CNOT2: variants seen among roughly 807,000 people sequenced by gnomAD.
CNOT2 encodes CC chemokine receptor 4-negative regulator of transcription 2.
Under a neutral mutation model 72.1 loss-of-function variants are expected in CNOT2, and 7 were observed. The ratio of observed to expected loss-of-function variants is 0.10; its 90% CI spans 0.06 to 0.18. The LOEUF is 0.18. Ranked by LOEUF, CNOT2 falls within the 10% of genes least tolerant of loss-of-function variation. The pLI is 1.00. For missense variants in CNOT2, 345 were observed against 660.3 expected, an observed-to-expected ratio of 0.52 and a Z score of 5.23; for synonymous variants, 196 against 225.6, an observed-to-expected ratio of 0.87 and a Z score of 1.17.
rs34175539 is a variant in CNOT2 at position 70,257,354 on chromosome 12, C to CTTTTT, written c.-96+13888_-96+13892dup. On this transcript the variant is annotated intron_variant, in intron 1 of 15. Transcript: ENST00000229195. ...CAGTGAGTCTTTCCCCAACTACCCC[C>CTTTTT]TTTTTTTTTTTTTTTTTTCTTTTTG... Among the ~76,000 whole-genome samples the CTTTTT allele has an allele frequency of 2.7e-3, 343 of 128,536 alleles. 2 individuals carry two copies. The highest frequency in any genetic ancestry group is 4.7e-3 in the Admixed American group (50 of 10,678). 84.3% of individuals were successfully genotyped at this position (128,536 alleles called of 152,430 possible).
Position 70,318,284 on chromosome 12 carries a change from T to C in CNOT2, c.172-1014T>C, listed in dbSNP as rs979083866. ...CTTCTATGCCATAACATGGGTGAGCTTTATCTCCAAATAGAGATGAACTTT... is the reference window on the plus strand; with the variant it reads ...CTTCTATGCCATAACATGGGTGAGCCTTATCTCCAAATAGAGATGAACTTT... On this transcript the variant is annotated intron_variant, in intron 3 of 15. Transcript: ENST00000229195. 2.6e-5 allele frequency among the ~76,000 whole-genome samples: 4 copies of C among 152,010 alleles called. No individual in the cohort carries two copies. In the South Asian group the frequency reaches 8.3e-4, roughly 31 times the overall value.
At chr12:70,271,641 A>G (rs550345781) in intron 1 of CNOT2, among the ~76,000 whole-genome samples, 2 of 152,076 alleles carry the variant, frequency 1.3e-5, no homozygotes, top group East Asian at 3.9e-4. Context: ...CCAAACTGCT[A>G]GGATTACAGG....
At chr12:70,302,367 C>T (rs1476112612) in intron 2 of CNOT2, among the ~76,000 whole-genome samples, 1 of 151,212 alleles carries the variant, frequency 6.6e-6, no homozygotes, top group Admixed American at 6.6e-5. Context: ...CTATAAATTT[C>T]CCTCTACACA....
intron 1 of CNOT2, among the ~76,000 whole-genome samples, chr12:70,268,081 A>G (rs1320006347): frequency 1.3e-5 from 2 of 152,220 alleles, no homozygotes; most frequent in African/African-American, 4.8e-5. Context: ...TTCATTCATA[A>G]AACTCTAAGT....
At chr12:70,272,119 G>T (rs1959315354) in intron 1 of CNOT2, among the ~76,000 whole-genome samples, 1 of 152,156 alleles carries the variant, frequency 6.6e-6, no homozygotes, top group South Asian at 2.1e-4. Flanking sequence ...TAAGGAAAAT[G>T]ATGTTTCCAT....
intron 1 of CNOT2, among the ~76,000 whole-genome samples, chr12:70,271,990 G>A (rs1011714479): frequency 2.0e-5 from 3 of 152,092 alleles, no homozygotes; most frequent in Non-Finnish European, 4.4e-5. Context: ...TATCAAGGGG[G>A]AATAAATGTC....
chr12:70,313,607 G>A (rs1410327093), intron 3 of CNOT2, among the ~76,000 whole-genome samples: 5 of 151,734 alleles, frequency 3.3e-5, no homozygotes, highest in Non-Finnish European at 5.9e-5. Context: ...TTTAAATCAC[G>A]GGTCAGAAAA....
chr12:70,294,899 A>C (rs1262033621), intron 2 of CNOT2, among the ~76,000 whole-genome samples: 1 of 152,184 alleles, frequency 6.6e-6, no homozygotes, highest in Non-Finnish European at 1.5e-5. Context: ...TAATTCAGCA[A>C]ATGTTTGTTG....
chr12:70,330,709 T>C lies in CNOT2; in HGVS notation c.569+240T>C, dbSNP rs1879801866. 1.0e-5 allele frequency: 4 copies of C among 393,646 alleles called. No individual in the cohort carries two copies. In the Admixed American group the frequency reaches 1.7e-4, roughly 17 times the overall value. 24.4% of individuals were successfully genotyped at this position (393,646 alleles called of 1,614,324 possible). Reference sequence around the variant, plus strand: ...TGTGGTTGTTAGAAAAGGATTGTTCTTGGATTCGCCACCAGGCAAATTTTG... The same window carrying C: ...TGTGGTTGTTAGAAAAGGATTGTTCCTGGATTCGCCACCAGGCAAATTTTG... On this transcript the variant is annotated intron_variant, in intron 6 of 15. Transcript: ENST00000229195.
At position 70,310,945 on chromosome 12, in the gene CNOT2, C is replaced by G. The variant is rs532301707; in HGVS notation, c.99C>G (p.Val33=). ...GASRKKFVEG[V]DSDYHDENMY... is the part of the protein sequence containing the mutation. ...CAAGAAAGAAGTTTGTAGAGGGGGT[C>G]GACAGTGACTACCATGACGAAAACA... Residue 33 remains valine (V), a synonymous_variant, in exon 3 of 16, where the codon GTC becomes GTG. Transcript: ENST00000229195. 1.9e-6 allele frequency: 3 copies of G among 1,609,604 alleles called. No individual in the cohort carries two copies. Among genetic ancestry groups the G allele is most frequent in the Middle Eastern group, 1.7e-4 (1 of 6,052 alleles).
intron 14 of CNOT2, chr12:70,345,739 ATAAT>A (rs796141338): frequency 6.6e-6 from 1 of 152,478 alleles, no homozygotes; most frequent in Admixed American, 6.5e-5. Context: ...TGGAATTTAC[ATAAT>A]TAATTCAAAT....
At chr12:70,308,157 C>T (rs548088808) in intron 2 of CNOT2, among the ~76,000 whole-genome samples, 3 of 152,256 alleles carry the variant, frequency 2.0e-5, no homozygotes, top group Admixed American at 6.5e-5. Flanking sequence ...TGGTCAGTTA[C>T]TTCTCTGCTT....
intron 1 of CNOT2, among the ~76,000 whole-genome samples, chr12:70,260,449 T>C (rs368863596): frequency 7.2e-5 from 11 of 152,244 alleles, no homozygotes; most frequent in African/African-American, 2.4e-4. Flanking sequence ...TGTTATTGTA[T>C]AGAAATGCAA....
At chr12:70,285,242 C>T (rs1341532418) in intron 2 of CNOT2, among the ~76,000 whole-genome samples, 1 of 151,038 alleles carries the variant, frequency 6.6e-6, no homozygotes, top group African/African-American at 2.4e-5. Flanking sequence ...CGAACTCTTG[C>T]TCTGTTGCCC....
intron 8 of CNOT2, 100 bp downstream of exon 8, chr12:70,335,663 C>A: frequency 1.2e-6 from 1 of 810,760 alleles, no homozygotes; most frequent in Non-Finnish European, 1.9e-6. Context: ...TGTGTGTACA[C>A]ATGTATGTTT....
At chr12:70,328,845 TATATCA>T (rs1047461997) in intron 4 of CNOT2, among the ~76,000 whole-genome samples, 4 of 151,906 alleles carry the variant, frequency 2.6e-5, no homozygotes, top group African/African-American at 9.7e-5. Context: ...CTTTTATAGC[TATATCA>T]GTTTGAGTTT....
chr12:70,331,969 A>AT (rs780981551), intron 6 of CNOT2, among the ~76,000 whole-genome samples: 434 of 143,762 alleles, frequency 3.0e-3, no homozygotes, highest in Non-Finnish European at 3.7e-3. Flanking sequence ...GTTCTGCCTT[A>AT]TTTTTTTTTT....
At chr12:70,245,137 A>G (rs1957817450) in intron 1 of CNOT2, among the ~76,000 whole-genome samples, 1 of 152,206 alleles carries the variant, frequency 6.6e-6, no homozygotes, top group African/African-American at 2.4e-5. Flanking sequence ...AAGTGTCTAT[A>G]TTCACATCCC....
intron 2 of CNOT2, among the ~76,000 whole-genome samples, chr12:70,304,953 G>C (rs1356647111): frequency 5.9e-5 from 9 of 152,204 alleles, no homozygotes; most frequent in African/African-American, 2.2e-4. Context: ...CGGGCTCCGT[G>C]GGCGTAGGAC....
Sources: gnomAD v4.1 joint callset for allele counts (sites outside exome capture counted in the v4.1 genomes callset) on GRCh38, gnomAD v4.1.1 for gene constraint, MANE v1.5 for transcripts, NCBI Gene and HGNC (gene_info 2026-07-23, HGNC 2026-07-21) for gene names.